The following NUP210 variants were observed in gnomAD, a reference collection of about 807,000 sequenced individuals.
NUP210 encodes nuclear pore membrane glycoprotein 210.
A neutral mutation model predicts 196.0 loss-of-function variants in NUP210; 151 were observed. The ratio of observed to expected loss-of-function variants is 0.77; its 90% CI spans 0.67 to 0.88. The LOEUF (loss-of-function observed/expected upper bound fraction) is 0.88, where lower values mean the gene tolerates loss of function less well. Among genes scored for constraint, NUP210 ranks in the 40% least tolerant of loss-of-function variants. The probability of loss-of-function intolerance (pLI) is 0.00; values close to 1 mark genes in which losing one functional copy is unlikely to be tolerated. For missense variants in NUP210, 2,314 were observed against 2,493.7 expected, an observed-to-expected ratio of 0.93 and a Z score of 1.53; for synonymous variants, 1,070 against 1,052.7, an observed-to-expected ratio of 1.02 and a Z score of -0.32.
chr3:13,410,458 G>A (rs1006427401), intron 1 of NUP210, among the ~76,000 whole-genome samples: 2 of 151,444 alleles, frequency 1.3e-5, no homozygotes, highest in African/African-American at 4.8e-5. Flanking sequence ...GATTACAGGC[G>A]TGAGCCACTG....
rs1162470689 is a variant in NUP210 at position 13,401,258 on chromosome 3, T to TTAAAAAAAAAAAAAAAAA, written c.168-1398_168-1397insTTTTTTTTTTTTTTTTTA. On this transcript the variant is annotated intron_variant, in intron 1 of 39. Coordinates refer to ENST00000254508, the MANE Select transcript of NUP210 (RefSeq NM_024923.4). ...CTGGGCAACAGAGTGAGACTCTGGCTCAAAAAAAAAAAAAAAAAAAAAGGC... is the reference window on the plus strand; with the variant it reads ...CTGGGCAACAGAGTGAGACTCTGGCTTAAAAAAAAAAAAAAAAACAAAAAAAAAAAAAAAAAAAAAGGC... Among the ~76,000 whole-genome samples, 59 of 16,488 alleles carry TTAAAAAAAAAAAAAAAAA rather than the reference T, an allele frequency of 3.6e-3. 3 individuals are homozygous for TTAAAAAAAAAAAAAAAAA. The highest frequency in any genetic ancestry group is 4.4e-3 in the Admixed American group (10 of 2,288). The allele number at this position is 16,488 out of a possible 152,430, so 10.8% of individuals were successfully genotyped here. A position where few individuals can be genotyped will look rare whatever the true frequency, so the allele number is the denominator to read the frequency against.
intron 8 of NUP210, 65 bp from the exon 9 acceptor site, chr3:13,377,627 A>C: frequency 9.6e-7 from 1 of 1,043,196 alleles, no homozygotes; most frequent in Admixed American, 1.9e-5. Context: ...GGAGGATGGG[A>C]CCACCACCCT....
intron 36 of NUP210, among the ~76,000 whole-genome samples, 184 bp from the exon 37 acceptor site, chr3:13,320,163 A>G (rs930200240): frequency 6.6e-6 from 1 of 152,170 alleles, no homozygotes; most frequent in Non-Finnish European, 1.5e-5. Context: ...ACCCCTGCCC[A>G]GGTCACATCT....
chr3:13,318,432 C>T (rs930243124), intron 39 of NUP210, among the ~76,000 whole-genome samples: 3 of 152,152 alleles, frequency 2.0e-5, no homozygotes, highest in African/African-American at 7.2e-5. Context: ...ATTCAGGGAC[C>T]CCCCTGAAGC....
rs550465080 is a variant in NUP210, at chr3:13,414,580, C to T, written c.167+5480G>A. Among the ~76,000 whole-genome samples, 6 of 152,290 alleles carry T rather than the reference C, an allele frequency of 3.9e-5. No individual in the cohort carries two copies. The South Asian group carries it at 6.2e-4, about 16-fold the overall frequency. On this transcript the variant is annotated intron_variant, in intron 1 of 39. Coordinates refer to ENST00000254508, the MANE Select transcript of NUP210 (RefSeq NM_024923.4). The stretch of plus-strand genomic sequence containing the variant: ...CCCACAAGGTCCCACATGGCCCCGC[C>T]CTGCCAACCTCTCCACCCTCCCTCC...
At chr3:13,370,645 A>G (rs1352444607) in intron 13 of NUP210, among the ~76,000 whole-genome samples, 5 of 152,180 alleles carry the variant, frequency 3.3e-5, no homozygotes, top group Non-Finnish European at 5.9e-5. Context: ...ATCCTAAATG[A>G]TTACCTGGCA....
chr3:13,371,966 C>T lies in NUP210; in HGVS notation c.1654G>A (p.Ala552Thr), dbSNP rs1403602476. The T allele has an allele frequency of 6.2e-7, 1 of 1,603,316 alleles. No homozygotes were observed. Among genetic ancestry groups the T allele is most frequent in the African/African-American group, 1.3e-5 (1 of 74,810 alleles). Residue 552 changes from alanine (A) to threonine (T), a missense_variant, in exon 13 of 40, where the codon GCC becomes ACC. Transcript: ENST00000254508. ...CTGATCCTCAGGGGCAGCTCCAGGG[C>T]CTGGCCCACACGTGCCTCCACCTGG... is the stretch of plus-strand genomic sequence containing the variant. Reference protein sequence around the residue: ...PCQVEARVGQALELPLRISGL... With the variant: ...PCQVEARVGQTLELPLRISGL...
At chr3:13,372,183 G>A (rs1373992494) in intron 12 of NUP210, 151 bp from the exon 13 acceptor site, 1 of 755,928 alleles carries the variant, frequency 1.3e-6, no homozygotes, top group Non-Finnish European at 2.1e-6. Context: ...CAGGGACAGA[G>A]AGCAGGGGAG....
At chr3:13,359,663 C>T (rs1031855111) in intron 15 of NUP210, among the ~76,000 whole-genome samples, 4 of 152,194 alleles carry the variant, frequency 2.6e-5, no homozygotes, top group African/African-American at 9.6e-5. Flanking sequence ...TAGATGCCCA[C>T]CAGAAGCCCC....
In NUP210 at chr3:13,379,192, T is replaced by C. The variant is rs1699021071; in HGVS notation, c.977-212A>G. Reference sequence around the variant, plus strand: ...TGCCACACTAGCAAAGGGGAATCTCTGTGAGGGACACTGGAGACCGCACAG... The same window carrying C: ...TGCCACACTAGCAAAGGGGAATCTCCGTGAGGGACACTGGAGACCGCACAG... On this transcript the variant is annotated intron_variant, in intron 7 of 39. Coordinates refer to ENST00000254508, the MANE Select transcript of NUP210 (RefSeq NM_024923.4). The surrounding 1 kb of genome is among the most constrained non-coding windows in gnomAD (Gnocchi z 4.2). Among the ~76,000 whole-genome samples, 1 of 152,164 alleles carries C rather than the reference T, an allele frequency of 6.6e-6. No individual in the cohort carries two copies. The highest frequency in any genetic ancestry group is 1.5e-5 in the Non-Finnish European group (1 of 68,018).
At chr3:13,344,249 T>C (rs1474759458) in intron 20 of NUP210, among the ~76,000 whole-genome samples, 1 of 152,238 alleles carries the variant, frequency 6.6e-6, no homozygotes, top group Non-Finnish European at 1.5e-5. Flanking sequence ...CACCCTTTCA[T>C]GCTGCAGAAG....
intron 36 of NUP210, among the ~76,000 whole-genome samples, chr3:13,320,202 G>A (rs992879102): frequency 3.9e-5 from 6 of 152,182 alleles, no homozygotes; most frequent in African/African-American, 1.4e-4. Flanking sequence ...CCTGGGCACT[G>A]CTCATGGACG....
Position 13,358,339 on chromosome 3 carries a change from C to T in NUP210, c.2211G>A (p.Val737=), listed in dbSNP as rs763503076. 6.2e-7 allele frequency: 1 copy of T among 1,613,960 alleles called. No homozygotes were observed. Among genetic ancestry groups the T allele is most frequent in the Admixed American group, 1.7e-5 (1 of 60,010 alleles). ...KPSLTNPFPA[V]EPAVVKFVCA... is the part of the protein sequence containing the mutation. ...AGACGAACTTCACCACGGCAGGCTC[C>T]ACCGCAGGAAAGGGGTTGGTGAGGC... is the stretch of plus-strand genomic sequence containing the variant. The change falls in exon 16 of 40, where the codon GTG becomes GTA. Residue 737 remains valine (V), a synonymous_variant. Coordinates refer to ENST00000254508, the MANE Select transcript of NUP210 (RefSeq NM_024923.4).
At chr3:13,327,982 A>G (rs145330994) in intron 31 of NUP210, among the ~76,000 whole-genome samples, 115 of 152,296 alleles carry the variant, frequency 7.6e-4, no homozygotes, top group African/African-American at 2.6e-3. Flanking sequence ...TTTGGTGCAG[A>G]AGTGTGGACT....
In NUP210 at chr3:13,411,214, A is replaced by G. The variant is rs562355433; in HGVS notation, c.167+8846T>C. On this transcript the variant is annotated intron_variant, in intron 1 of 39. Coordinates refer to ENST00000254508, the MANE Select transcript of NUP210 (RefSeq NM_024923.4). ...GCCACTGCACTGCAGCCTGGGTGATAGAGCAAGAATCTGTCTCAGAAAAAT... is the reference window on the plus strand; with the variant it reads ...GCCACTGCACTGCAGCCTGGGTGATGGAGCAAGAATCTGTCTCAGAAAAAT... 6.5e-4 allele frequency among the ~76,000 whole-genome samples: 99 copies of G among 152,304 alleles called. 1 individual carries two copies. The highest frequency in any genetic ancestry group is 3.4e-3 in the Middle Eastern group (1 of 294).
intron 25 of NUP210, among the ~76,000 whole-genome samples, chr3:13,338,748 G>T (rs1305303994): frequency 6.6e-6 from 1 of 152,202 alleles, no homozygotes; most frequent in Non-Finnish European, 1.5e-5. Context: ...CTCAGAACAT[G>T]CCTTTCAGAT....
At chr3:13,357,782 C>T (rs923963190) in intron 16 of NUP210, among the ~76,000 whole-genome samples, 8 of 152,182 alleles carry the variant, frequency 5.3e-5, no homozygotes, top group African/African-American at 1.7e-4. Context: ...CACAACCCCA[C>T]GTCACCCACA....
At chr3:13,337,429 A>G (rs1576357099) in intron 26 of NUP210, among the ~76,000 whole-genome samples, 1 of 152,296 alleles carries the variant, frequency 6.6e-6, no homozygotes, top group East Asian at 1.9e-4. Context: ...GCCACTTCCT[A>G]GCTGTGTGGC....
intron 37 of NUP210, 40 bp downstream of exon 37, chr3:13,319,723 C>T (rs753724957): frequency 1.3e-6 from 2 of 1,573,338 alleles, no homozygotes; most frequent in South Asian, 2.2e-5. Flanking sequence ...TGTCCCTCCC[C>T]ATCCTGGTCT....
Sources: gnomAD v4.1 joint callset for allele counts (sites outside exome capture counted in the v4.1 genomes callset) on GRCh38, gnomAD v4.1.1 for gene constraint, Gnocchi (gnomAD v3.1) non-coding constraint, MANE v1.5 for transcripts, NCBI Gene and HGNC (gene_info 2026-07-23, HGNC 2026-07-21) for gene names.